The following ZNF385D variants were observed in gnomAD, a reference collection of about 807,000 sequenced individuals.
ZNF385D encodes zinc finger protein 659.
A neutral mutation model predicts 35.8 loss-of-function variants in ZNF385D; 15 were observed. The observed-to-expected ratio is 0.42, with a 90% CI of 0.28 to 0.64. ZNF385D has a LOEUF of 0.64. Ranked by LOEUF, ZNF385D falls within the 30% of genes least tolerant of loss-of-function variation. The pLI is 0.23. For synonymous variants in ZNF385D, 212 were observed against 186.8 expected (o/e 1.13, Z -1.10); for missense variants, 474 against 494.6 (o/e 0.96, Z 0.39).
intron 3 of ZNF385D, among the ~76,000 whole-genome samples, chr3:22,081,989 C>G (rs750734965): frequency 0.015 from 948 of 63,306 alleles, 11 homozygotes; most frequent in African/African-American, 0.056. Context: ...TTGGGGTTTT[C>G]TATTTTTTTT....
rs189273261 is a variant in ZNF385D, at chr3:21,814,695, G to A, written c.326-149667C>T. The stretch of plus-strand genomic sequence containing the variant: ...CAGATTCATAAAGCAAGTCCCTAGC[G>A]ACCTCCAAAGAGACTTAGACTCCCA... On this transcript the variant is annotated intron_variant, in intron 3 of 5. Coordinates refer to the ZNF385D transcript ENST00000494108. Among the ~76,000 whole-genome samples, 145 of 152,268 alleles carry A rather than the reference G, an allele frequency of 9.5e-4. 1 individual carries two copies. The highest frequency in any genetic ancestry group is 3.4e-3 in the Middle Eastern group (1 of 294).
intron 3 of ZNF385D, among the ~76,000 whole-genome samples, chr3:22,136,196 A>G (rs751447465): frequency 2.1e-4 from 32 of 152,034 alleles, no homozygotes; most frequent in Non-Finnish European, 4.1e-4. Context: ...CCAGCCTGGG[A>G]AACATGGTGA....
chr3:21,432,739 C>G (rs1701353972), intron 5 of ZNF385D, among the ~76,000 whole-genome samples: 2 of 151,562 alleles, frequency 1.3e-5, no homozygotes, highest in South Asian at 4.2e-4. Flanking sequence ...AATTCTTAGA[C>G]TGTTGTAAAC....
intron 3 of ZNF385D, among the ~76,000 whole-genome samples, chr3:21,833,601 C>T (rs377312143): frequency 6.6e-6 from 1 of 152,180 alleles, no homozygotes; most frequent in Admixed American, 6.5e-5. Context: ...ACCCTCAGAA[C>T]TATGAGAAAG....
chr3:21,741,613 G>A (rs2069518431), intron 1 of ZNF385D, among the ~76,000 whole-genome samples: 1 of 131,952 alleles, frequency 7.6e-6, no homozygotes, highest in Admixed American at 7.9e-5. Context: ...TATACAGGAA[G>A]GGCAGAATAT....
At chr3:21,991,719 T>C (rs954272172) in intron 3 of ZNF385D, among the ~76,000 whole-genome samples, 1 of 152,312 alleles carries the variant, frequency 6.6e-6, no homozygotes, top group African/African-American at 2.4e-5. Flanking sequence ...CAGGATTGCT[T>C]CATGGTCCAG....
At chr3:21,563,321 A>C (rs1215481760) in intron 3 of ZNF385D, 1 of 152,384 alleles carries the variant, frequency 6.6e-6, no homozygotes, top group Non-Finnish European at 1.5e-5. Context: ...AACTGTGAGA[A>C]ATAAATTTCT....
chr3:21,825,798 A>T (rs983481065), intron 3 of ZNF385D, among the ~76,000 whole-genome samples: 1 of 152,156 alleles, frequency 6.6e-6, no homozygotes, highest in Admixed American at 6.5e-5. Flanking sequence ...CGGGCTGCGG[A>T]CCAGAACCAG....
chr3:21,838,174 G>T (rs1378282196), intron 3 of ZNF385D, among the ~76,000 whole-genome samples: 1 of 152,072 alleles, frequency 6.6e-6, no homozygotes, highest in African/African-American at 2.4e-5. Context: ...TTACAAAATT[G>T]GTTTGTGTTG....
At chr3:21,648,074 G>A (rs977205807) in intron 2 of ZNF385D, among the ~76,000 whole-genome samples, 3 of 152,088 alleles carry the variant, frequency 2.0e-5, no homozygotes, top group Non-Finnish European at 2.9e-5. Context: ...GAAAGGCTTG[G>A]GCTAATATGG....
chr3:21,716,622 T>G (rs1390729331), intron 1 of ZNF385D, among the ~76,000 whole-genome samples: 1 of 152,152 alleles, frequency 6.6e-6, no homozygotes, highest in East Asian at 1.9e-4. Context: ...GAGTTCACCT[T>G]TTCATTGAAA....
intron 2 of ZNF385D, among the ~76,000 whole-genome samples, chr3:21,633,285 T>C (rs969453569): frequency 3.9e-5 from 6 of 152,106 alleles, no homozygotes; most frequent in South Asian, 4.1e-4. Context: ...GCTATAGCAC[T>C]TGGATTATAC....
At chr3:21,647,277 TG>T in intron 2 of ZNF385D, among the ~76,000 whole-genome samples, 1 of 152,310 alleles carries the variant, frequency 6.6e-6, no homozygotes, top group Middle Eastern at 3.4e-3. Context: ...TACATTTCTT[TG>T]GCAAAATATT....
chr3:21,769,608 C>T (rs1433905613), intron 3 of ZNF385D, among the ~76,000 whole-genome samples: 2 of 104,988 alleles, frequency 1.9e-5, no homozygotes, highest in African/African-American at 4.2e-5. Flanking sequence ...AATGGAAGAA[C>T]ATTCCATGCT....
intron 2 of ZNF385D, among the ~76,000 whole-genome samples, chr3:22,205,204 G>A (rs1697068952): frequency 1.3e-5 from 2 of 151,856 alleles, no homozygotes; most frequent in Admixed American, 1.3e-4. Flanking sequence ...CCAGAAGAGA[G>A]TGACATGACA....
intron 3 of ZNF385D, among the ~76,000 whole-genome samples, chr3:21,756,740 CATATGA>C (rs2070356569): frequency 1.3e-5 from 2 of 152,120 alleles, no homozygotes; most frequent in Admixed American, 1.3e-4. Context: ...TATGTGTTGA[CATATGA>C]ATGACATGTG....
At chr3:21,773,726 T>C (rs995877580) in intron 3 of ZNF385D, among the ~76,000 whole-genome samples, 1 of 151,224 alleles carries the variant, frequency 6.6e-6, no homozygotes, top group Non-Finnish European at 1.5e-5. Flanking sequence ...ATAGATACCA[T>C]CTCATGCCAG....
chr3:22,009,388 C>T (rs1696423575), intron 3 of ZNF385D, among the ~76,000 whole-genome samples: 1 of 151,894 alleles, frequency 6.6e-6, no homozygotes, highest in Admixed American at 6.6e-5. Flanking sequence ...TTTTGGGAGG[C>T]CAAGTCAGGC....
chr3:22,034,504 T>A (rs1251225191), intron 3 of ZNF385D, among the ~76,000 whole-genome samples: 1 of 151,986 alleles, frequency 6.6e-6, no homozygotes, highest in Non-Finnish European at 1.5e-5. Flanking sequence ...AAAGCAGAAT[T>A]TACATGGTAA....
Sources: gnomAD v4.1 joint callset for allele counts (sites outside exome capture counted in the v4.1 genomes callset) on GRCh38, gnomAD v4.1.1 for gene constraint, MANE v1.5 for transcripts, NCBI Gene and HGNC (gene_info 2026-07-23, HGNC 2026-07-21) for gene names.